Variants in SMOC2 observed in about 807,000 individuals in gnomAD.
SMOC2 encodes SPARC-related modular calcium-binding protein 2.
A neutral mutation model predicts 61.4 loss-of-function variants in SMOC2; 39 were observed. The ratio of observed to expected loss-of-function variants is 0.64; its 90% confidence interval spans 0.49 to 0.83. The LOEUF (loss-of-function observed/expected upper bound fraction) is 0.83, where lower values mean the gene tolerates loss of function less well. SMOC2 is among the 40% of genes least tolerant of loss of function. The probability of loss-of-function intolerance (pLI) is 0.00; values close to 1 mark genes in which losing one functional copy is unlikely to be tolerated. For missense variants in SMOC2, 556 were observed against 592.9 expected (o/e 0.94, Z 0.65); for synonymous variants, 247 against 239.9 (o/e 1.03, Z -0.27).
At chr6:168,536,545 A>G (rs1026781411) in intron 4 of SMOC2, among the ~76,000 whole-genome samples, 17 of 152,170 alleles carry the variant, frequency 1.1e-4, no homozygotes, top group Middle Eastern at 3.4e-3. Context: ...AGGAGGTCCT[A>G]CCACTTCCAG....
chr6:168,588,382 C>T (rs778636535), intron 7 of SMOC2, among the ~76,000 whole-genome samples: 2 of 152,122 alleles, frequency 1.3e-5, no homozygotes, highest in Non-Finnish European at 2.9e-5. Flanking sequence ...CCTTGGCCTC[C>T]CAAAGTGCTG....
chr6:168,648,069 C>CAA (rs112914297), intron 9 of SMOC2, among the ~76,000 whole-genome samples: 77 of 151,794 alleles, frequency 5.1e-4, no homozygotes, highest in African/African-American at 1.6e-3. Flanking sequence ...AATTAACAGC[C>CAA]AAAAAAAATC....
At chr6:168,644,838 T>C (rs755818572) in intron 9 of SMOC2, among the ~76,000 whole-genome samples, 6 of 151,834 alleles carry the variant, frequency 4.0e-5, no homozygotes, top group Non-Finnish European at 5.9e-5. Context: ...TTAGTAGATA[T>C]GGGGTTTCAC....
intron 9 of SMOC2, among the ~76,000 whole-genome samples, chr6:168,637,518 A>G (rs1786770006): frequency 6.6e-6 from 1 of 152,210 alleles, no homozygotes; most frequent in Non-Finnish European, 1.5e-5. Flanking sequence ...TAAGAAACAA[A>G]TGCTGCCCAG....
intron 9 of SMOC2, among the ~76,000 whole-genome samples, chr6:168,631,870 A>G (rs74722776): frequency 2.7e-3 from 412 of 152,296 alleles, no homozygotes; most frequent in African/African-American, 9.3e-3. Flanking sequence ...CAGAGTGAAG[A>G]GTTCATTTCC....
rs1031677607 is a variant in SMOC2, at chr6:168,609,106, T to G, written c.907+867T>G. On this transcript the variant is annotated intron_variant, in intron 9 of 12. Transcript: ENST00000356284. ...TGTCCACAGTCTATACATGTTTCAT[T>G]GCTACGTGTTCATAGCGATTCCACA... Among the ~76,000 whole-genome samples, 114 of 152,362 alleles carry G rather than the reference T, an allele frequency of 7.5e-4. 1 individual carries two copies. The highest frequency in any genetic ancestry group is 2.6e-3 in the African/African-American group (110 of 41,580).
intron 7 of SMOC2, among the ~76,000 whole-genome samples, chr6:168,558,385 T>A (rs1181128779): frequency 6.6e-6 from 1 of 152,134 alleles, no homozygotes; most frequent in Non-Finnish European, 1.5e-5. Flanking sequence ...TTAGGTGTGC[T>A]CACTCCTCCT....
At chr6:168,478,502 CA>C (rs1362510736) in intron 1 of SMOC2, among the ~76,000 whole-genome samples, 1 of 152,062 alleles carries the variant, frequency 6.6e-6, no homozygotes, top group Non-Finnish European at 1.5e-5. Context: ...ATTAAAAAAA[CA>C]AAATAAGATG....
intron 1 of SMOC2, among the ~76,000 whole-genome samples, chr6:168,498,801 C>T (rs1285519573): frequency 8.3e-6 from 1 of 120,174 alleles, no homozygotes; most frequent in Non-Finnish European, 2.0e-5. Flanking sequence ...GAGTCAGAGT[C>T]TCTGGGGGGA....
At position 168,554,917 on chromosome 6, in the gene SMOC2, C is replaced by G. The variant is rs369724197; in HGVS notation, c.637+5714C>G. Among the ~76,000 whole-genome samples, 23 of 152,340 alleles carry G rather than the reference C, an allele frequency of 1.5e-4. 1 individual carries two copies. Among genetic ancestry groups the G allele is most frequent in the Middle Eastern group, 3.4e-3 (1 of 294 alleles). ...CATCTGCTGCTGGGTCCCCTCTCAC[C>G]ACAGGGCGTGTGCTCCCTCGGGCAC... On this transcript the variant is annotated intron_variant, in intron 7 of 12. Coordinates refer to ENST00000356284, the MANE Select transcript of SMOC2 (RefSeq NM_001166412.2).
intron 1 of SMOC2, among the ~76,000 whole-genome samples, chr6:168,457,541 T>G (rs1259555047): frequency 1.3e-5 from 2 of 152,178 alleles, no homozygotes; most frequent in Non-Finnish European, 2.9e-5. Context: ...CCTGCACCCA[T>G]CATATGTATG....
At chr6:168,447,137 GCTCA>G in intron 1 of SMOC2, among the ~76,000 whole-genome samples, 1 of 152,244 alleles carries the variant, frequency 6.6e-6, no homozygotes, top group East Asian at 1.9e-4. Flanking sequence ...TGCACTCTTG[GCTCA>G]CTGTAACCTC....
At chr6:168,598,040 G>T (rs1306752649) in intron 7 of SMOC2, among the ~76,000 whole-genome samples, 1 of 152,272 alleles carries the variant, frequency 6.6e-6, no homozygotes, top group Non-Finnish European at 1.5e-5. Flanking sequence ...TTGCATGTGA[G>T]TGAGTGTCAG....
chr6:168,632,135 G>T (rs1479463693), intron 9 of SMOC2, among the ~76,000 whole-genome samples: 1 of 152,100 alleles, frequency 6.6e-6, no homozygotes, highest in East Asian at 1.9e-4. Flanking sequence ...CTGAAATTTT[G>T]TCAATGACAG....
At chr6:168,601,638 A>C (rs113460400) in intron 8 of SMOC2, among the ~76,000 whole-genome samples, 3,290 of 152,248 alleles carry the variant, frequency 0.022, 57 homozygotes, top group Non-Finnish European at 0.034. Flanking sequence ...CCCAGCCCCC[A>C]GTGAGGCCCC....
intron 2 of SMOC2, among the ~76,000 whole-genome samples, chr6:168,517,564 G>A (rs1252743171): frequency 6.6e-6 from 1 of 152,222 alleles, no homozygotes; most frequent in Non-Finnish European, 1.5e-5. Flanking sequence ...GAGGCCAGGC[G>A]CTGCCTAAGA....
chr6:168,448,748 G>A (rs78833367), intron 1 of SMOC2, among the ~76,000 whole-genome samples: 2,021 of 152,196 alleles, frequency 0.013, 54 homozygotes, highest in African/African-American at 0.047. Flanking sequence ...ACATATTTAC[G>A]TTTTAAAGTA....
At chr6:168,576,163 G>A (rs560181401) in intron 7 of SMOC2, among the ~76,000 whole-genome samples, 27 of 152,250 alleles carry the variant, frequency 1.8e-4, no homozygotes, top group African/African-American at 5.8e-4. Context: ...TCAGCCCTGT[G>A]TAGGTTTCCT....
At chr6:168,655,425 C>A (rs959488539) in intron 11 of SMOC2, 3 of 456,372 alleles carry the variant, frequency 6.6e-6, no homozygotes, top group African/African-American at 6.0e-5. Context: ...ATGGCCAGAG[C>A]CCAGATGTTC....
Sources: allele counts gnomAD v4.1 joint callset (sites outside exome capture counted in the v4.1 genomes callset), GRCh38; gene constraint gnomAD v4.1.1; transcripts MANE v1.5; gene names NCBI Gene and HGNC (gene_info 2026-07-23, HGNC 2026-07-21).